The following SLC9A9 variants were observed in gnomAD, a reference collection of about 807,000 sequenced individuals.
The protein encoded by SLC9A9 is sodium/hydrogen exchanger 9.
SLC9A9 carries 62 observed loss-of-function variants against 77.8 expected under a neutral mutation model. That is an observed-to-expected ratio of 0.80 (90% CI 0.65 to 0.98). The LOEUF is 0.98. Among genes scored for constraint, SLC9A9 ranks in the 50% least tolerant of loss-of-function variants. SLC9A9 has a pLI of 0.00. For synonymous variants in SLC9A9, 320 were observed against 283.5 expected, an observed-to-expected ratio of 1.13 and a Z score of -1.29; for missense variants, 775 against 774.9, an observed-to-expected ratio of 1.00 and a Z score of 0.00.
At chr3:143,402,454 T>C (rs2033884075) in intron 12 of SLC9A9, among the ~76,000 whole-genome samples, 1 of 151,262 alleles carries the variant, frequency 6.6e-6, no homozygotes, top group Admixed American at 6.6e-5. Context: ...TGTGTTTTTT[T>C]TTTTTTTTTT....
At chr3:143,534,420 G>A (rs1329409159) in intron 9 of SLC9A9, among the ~76,000 whole-genome samples, 2 of 152,190 alleles carry the variant, frequency 1.3e-5, no homozygotes, top group African/African-American at 4.8e-5. Flanking sequence ...CCAGAAGTCT[G>A]ACATTCATTC....
At chr3:143,371,215 A>T (rs1222960458) in intron 13 of SLC9A9, among the ~76,000 whole-genome samples, 2 of 152,228 alleles carry the variant, frequency 1.3e-5, no homozygotes, top group Non-Finnish European at 2.9e-5. Flanking sequence ...AAGATCACAT[A>T]GTGCTAAGAA....
chr3:143,592,841 A>G (rs1351833624), intron 6 of SLC9A9, among the ~76,000 whole-genome samples: 1 of 152,192 alleles, frequency 6.6e-6, no homozygotes, highest in African/African-American at 2.4e-5. Context: ...TGCAGCTCCC[A>G]GGCCTTGGTT....
intron 4 of SLC9A9, among the ~76,000 whole-genome samples, chr3:143,740,354 T>G (rs1935046336): frequency 6.6e-6 from 1 of 152,202 alleles, no homozygotes; most frequent in Admixed American, 6.5e-5. Flanking sequence ...TTAGGTAGCA[T>G]GTAAATGGAT....
chr3:143,307,872 C>T (rs1045479105), intron 14 of SLC9A9, among the ~76,000 whole-genome samples: 5 of 152,166 alleles, frequency 3.3e-5, no homozygotes, highest in African/African-American at 4.8e-5. Context: ...CAGCAGTAGG[C>T]TAACCAAATC....
chr3:143,577,092 TTCCAGTTCC>T, intron 7 of SLC9A9, among the ~76,000 whole-genome samples: 1 of 152,318 alleles, frequency 6.6e-6, no homozygotes, highest in East Asian at 1.9e-4. Flanking sequence ...TCATCCTTTG[TTCCAGTTCC>T]TCATCTATAT....
At chr3:143,481,047 CT>C (rs2035565369) in intron 11 of SLC9A9, among the ~76,000 whole-genome samples, 1 of 152,182 alleles carries the variant, frequency 6.6e-6, no homozygotes, top group Non-Finnish European at 1.5e-5. Context: ...AAATGTACAA[CT>C]TTAGTTGGGT....
intron 8 of SLC9A9, among the ~76,000 whole-genome samples, chr3:143,552,869 T>C (rs2036917126): frequency 6.6e-6 from 1 of 152,226 alleles, no homozygotes; most frequent in Admixed American, 6.5e-5. Context: ...TTCCGCTGTA[T>C]ACTTTGGGTA....
At chr3:143,579,644 T>A (rs1486714534) in intron 6 of SLC9A9, among the ~76,000 whole-genome samples, 1 of 152,182 alleles carries the variant, frequency 6.6e-6, no homozygotes, top group Admixed American at 6.5e-5. Flanking sequence ...TACAGGATTT[T>A]AAAAACTAAT....
chr3:143,642,585 A>G (rs2038641301), intron 6 of SLC9A9, among the ~76,000 whole-genome samples: 1 of 152,210 alleles, frequency 6.6e-6, no homozygotes. Context: ...TGATGCTTCA[A>G]TTTATCTCTT....
chr3:143,832,352 T>C, intron 1 of SLC9A9, 131 bp from the exon 2 acceptor site: 1 of 756,148 alleles, frequency 1.3e-6, no homozygotes, highest in Non-Finnish European at 2.2e-6. Context: ...TCTAGAAAAG[T>C]GTTCACTTTT....
At chr3:143,423,205 T>C (rs9835113) in intron 12 of SLC9A9, among the ~76,000 whole-genome samples, 69,838 of 147,502 alleles carry the variant, frequency 0.47, 16,419 homozygotes, top group South Asian at 0.48. Flanking sequence ...CTACTTACCC[T>C]CACACACACG....
intron 11 of SLC9A9, among the ~76,000 whole-genome samples, chr3:143,474,191 G>C (rs747427468): frequency 6.6e-6 from 1 of 152,202 alleles, no homozygotes; most frequent in Non-Finnish European, 1.5e-5. Flanking sequence ...CTGTGGCAAG[G>C]AGGCTGGTGT....
At chr3:143,477,918 G>A (rs927130435) in intron 11 of SLC9A9, among the ~76,000 whole-genome samples, 2 of 152,168 alleles carry the variant, frequency 1.3e-5, no homozygotes, top group Admixed American at 6.5e-5. Flanking sequence ...CTAGGCAAAG[G>A]GTCAATCCCA....
rs111856970 is a variant in SLC9A9 at position 143,584,503 on chromosome 3, C to T, written c.756-5780G>A. ...TGAAGTGAACATATTGTATCTCTTG[C>T]AGGATTTCTATTAATTTAGTCATTA... On this transcript the variant is annotated intron_variant, in intron 6 of 15. Transcript: ENST00000316549. Among the ~76,000 whole-genome samples, 13 of 152,296 alleles carry T rather than the reference C, an allele frequency of 8.5e-5. 1 individual carries two copies. The highest frequency in any genetic ancestry group is 2.9e-4 in the African/African-American group (12 of 41,550).
chr3:143,644,841 G>A (rs1440451594), intron 6 of SLC9A9, among the ~76,000 whole-genome samples: 1 of 151,946 alleles, frequency 6.6e-6, no homozygotes, highest in Non-Finnish European at 1.5e-5. Context: ...CTGATTATCA[G>A]TTTTCAAGGC....
At chr3:143,781,728 C>T (rs973417000) in intron 4 of SLC9A9, among the ~76,000 whole-genome samples, 3 of 152,242 alleles carry the variant, frequency 2.0e-5, no homozygotes, top group Non-Finnish European at 2.9e-5. Flanking sequence ...CAGCAATGGC[C>T]TTCAAGATTA....
At chr3:143,832,291 T>A in intron 1 of SLC9A9, 70 bp from the exon 2 acceptor site, 1 of 1,369,392 alleles carries the variant, frequency 7.3e-7, no homozygotes, top group Non-Finnish European at 1.0e-6. Flanking sequence ...GAAACCTATA[T>A]GATTTGGAAC....
intron 11 of SLC9A9, among the ~76,000 whole-genome samples, chr3:143,485,659 CCAT>C (rs1420113287): frequency 6.6e-6 from 1 of 151,942 alleles, no homozygotes; most frequent in African/African-American, 2.4e-5. Flanking sequence ...TCCAGAGTTA[CCAT>C]AATATTAGAC....
Sources: allele counts gnomAD v4.1 joint callset (sites outside exome capture counted in the v4.1 genomes callset), GRCh38; gene constraint gnomAD v4.1.1; transcripts MANE v1.5; gene names NCBI Gene and HGNC (gene_info 2026-07-23, HGNC 2026-07-21).